Variants in THAP4 observed in about 807,000 individuals in gnomAD.
THAP4 encodes THAP domain containing 4.
A neutral mutation model predicts 48.1 loss-of-function variants in THAP4; 18 were observed. That is an observed-to-expected ratio of 0.37 (90% CI 0.26 to 0.56). The LOEUF is 0.56. THAP4 is among the 20% of genes least tolerant of loss of function. The pLI, the probability that THAP4 is intolerant of heterozygous loss-of-function variation, is 0.78. For missense variants in THAP4, 656 were observed against 774.9 expected, an observed-to-expected ratio of 0.85 and a Z score of 1.82; for synonymous variants, 345 against 324.9, an observed-to-expected ratio of 1.06 and a Z score of -0.66.
At chr2:241,637,236 T>A, upstream of THAP4, 1 of 1,010,380 alleles carries the variant, frequency 9.9e-7, no homozygotes, top group South Asian at 3.5e-5. Flanking sequence ...GGTTCGGGCG[T>A]CTTCGGACCA....
intron 2 of THAP4, among the ~76,000 whole-genome samples, chr2:241,632,336 G>A (rs1038992354): frequency 6.6e-6 from 1 of 152,128 alleles, no homozygotes. Flanking sequence ...CTGACCTCAA[G>A]TGATCTGCCC....
In THAP4 at chr2:241,633,324, T is replaced by C. The variant is rs1376908899; in HGVS notation, c.833A>G (p.Lys278Arg). Residue 278 changes from lysine to arginine, a missense_variant, in exon 2 of 6, where the codon AAG (lysine) becomes AGG (arginine). Lys to Arg is a conservative substitution (Grantham distance 26). This residue lies in a region of THAP4 where 391 missense variants were observed against 412.4 expected (regional missense o/e 0.95). Coordinates refer to ENST00000407315, the MANE Select transcript of THAP4 (RefSeq NM_015963.6). This position sits in a 1 kb window ranked among gnomAD's most constrained non-coding sequence, Gnocchi z 7.5. ...SCSGSSLGPD[K>R]GLAQSPPSSS... ...GCTGGGAGGGCTCTGGGCCAGGCCC[T>C]TGTCGGGTCCCAGGCTGCTCCCACT... 6.2e-6 allele frequency: 10 copies of C among 1,612,256 alleles called. No homozygotes were observed. Among genetic ancestry groups the C allele is most frequent in the Non-Finnish European group, 8.5e-6 (10 of 1,179,988 alleles).
At chr2:241,588,162 C>T (rs144939312) in intron 5 of THAP4, among the ~76,000 whole-genome samples, 59 of 151,838 alleles carry the variant, frequency 3.9e-4, no homozygotes, top group African/African-American at 1.3e-3. Flanking sequence ...TATATACTTG[C>T]AACAAATAAG....
At chr2:241,604,236 A>AATTTATTT (rs201924569) in intron 3 of THAP4, among the ~76,000 whole-genome samples, 10 of 150,278 alleles carry the variant, frequency 6.7e-5, no homozygotes, top group African/African-American at 2.5e-4. Context: ...ACACCCGGCT[A>AATTTATTT]ATTTATTTAT....
In THAP4 at chr2:241,601,826, G is replaced by A. The variant is rs746152039; in HGVS notation, c.1614+70C>T. The A allele has an allele frequency of 6.3e-7, 1 of 1,596,886 alleles. No homozygotes were observed. ...AAGACACGCACTACCTCACGGAAGAGGAAGAGGCTGACTCCACAGACCGCT... is the reference window on the plus strand; with the variant it reads ...AAGACACGCACTACCTCACGGAAGAAGAAGAGGCTGACTCCACAGACCGCT... On this transcript the variant is annotated intron_variant, in intron 5 of 5. Coordinates refer to ENST00000407315, the MANE Select transcript of THAP4 (RefSeq NM_015963.6). The surrounding 1 kb of genome is among the most constrained non-coding windows in gnomAD (Gnocchi z 4.0).
chr2:241,605,702 A>T (rs1229048839), intron 3 of THAP4, among the ~76,000 whole-genome samples: 1 of 151,720 alleles, frequency 6.6e-6, no homozygotes, highest in Non-Finnish European at 1.5e-5. Flanking sequence ...TTTCAGTAAT[A>T]TTGGGTGACT....
intron 2 of THAP4, among the ~76,000 whole-genome samples, chr2:241,618,662 C>T (rs148701567): frequency 1.3e-5 from 2 of 152,226 alleles, no homozygotes; most frequent in East Asian, 3.9e-4. Flanking sequence ...GATCAGCTCA[C>T]GTGGAGCAGA....
intron 5 of THAP4, among the ~76,000 whole-genome samples, chr2:241,600,676 C>T (rs1486770453): frequency 4.9e-5 from 7 of 141,630 alleles, no homozygotes; most frequent in African/African-American, 1.6e-4. Flanking sequence ...TGCAGTGAGC[C>T]GAGATTGCTC....
At chr2:241,630,293 C>T (rs1053598042) in intron 2 of THAP4, among the ~76,000 whole-genome samples, 1 of 152,152 alleles carries the variant, frequency 6.6e-6, no homozygotes, top group Non-Finnish European at 1.5e-5. Context: ...AGAGCCACAG[C>T]CTCCATTGCA....
At chr2:241,617,411 C>A (rs954205959) in intron 2 of THAP4, 1 of 1,547,740 alleles carries the variant, frequency 6.5e-7, no homozygotes, top group Non-Finnish European at 8.7e-7. Context: ...AGCAGGCTTA[C>A]CCATCCCTAA....
chr2:241,615,482 G>A (rs1369815455), intron 2 of THAP4, among the ~76,000 whole-genome samples: 1 of 152,226 alleles, frequency 6.6e-6, no homozygotes, highest in Non-Finnish European at 1.5e-5. Flanking sequence ...CAGGGGATGT[G>A]GTGGGGAGTG....
Position 241,610,397 on chromosome 2 carries a change from G to A in THAP4, c.1241-3924C>T, listed in dbSNP as rs2067253586. The stretch of plus-strand genomic sequence containing the variant: ...GGTCACGCCACCGCGCCCTGTTTGG[G>A]GAGCGGCAGAGGAGTCAGGGCGGAG... On this transcript the variant is annotated intron_variant, in intron 2 of 5. Transcript: ENST00000407315. The surrounding 1 kb of genome is among the most constrained non-coding windows in gnomAD (Gnocchi z 4.2). 6.6e-6 allele frequency among the ~76,000 whole-genome samples: 1 copy of A among 152,196 alleles called. No individual in the cohort carries two copies. The highest frequency in any genetic ancestry group is 1.5e-5 in the Non-Finnish European group (1 of 68,026).
rs1283725217 is a variant in THAP4 at position 241,610,765 on chromosome 2, G to T, written c.1241-4292C>A. 6.6e-6 allele frequency among the ~76,000 whole-genome samples: 1 copy of T among 152,066 alleles called. No individual in the cohort carries two copies. Among genetic ancestry groups the T allele is most frequent in the African/African-American group, 2.4e-5 (1 of 41,412 alleles). On this transcript the variant is annotated intron_variant, in intron 2 of 5. Transcript: ENST00000407315. This position sits in a 1 kb window ranked among gnomAD's most constrained non-coding sequence, Gnocchi z 4.2. ...CCTCAGAGGGGACCGGAGAGGAGGC[G>T]CTCCTTAAATGGGGAAGAAAGACGG...
intron 2 of THAP4, among the ~76,000 whole-genome samples, chr2:241,618,728 G>A (rs1402192800): frequency 6.6e-6 from 1 of 152,148 alleles, no homozygotes; most frequent in African/African-American, 2.4e-5. Context: ...CAAAATGCTG[G>A]AGGCTGAACA....
intron 5 of THAP4, among the ~76,000 whole-genome samples, chr2:241,588,710 C>T (rs186094194): frequency 3.3e-4 from 50 of 152,190 alleles, no homozygotes; most frequent in Admixed American, 5.2e-4. Flanking sequence ...GTGCTGGAAA[C>T]GAGGTATCTG....
At position 241,610,435 on chromosome 2, in the gene THAP4, T is replaced by G. The variant is rs1429727963; in HGVS notation, c.1241-3962A>C. Among the ~76,000 whole-genome samples the G allele has an allele frequency of 6.6e-6, 1 of 152,112 alleles. No individual in the cohort carries two copies. The highest frequency in any genetic ancestry group is 2.4e-5 in the African/African-American group (1 of 41,436). The stretch of plus-strand genomic sequence containing the variant: ...AGTCAGGGCGGAGGCTGGGCGGCGC[T>G]GGGCGGTGGGGCGCGCTCACTGGCT... On this transcript the variant is annotated intron_variant, in intron 2 of 5. Transcript: ENST00000407315. This position sits in a 1 kb window ranked among gnomAD's most constrained non-coding sequence, Gnocchi z 4.2.
chr2:241,610,283 C>A lies in THAP4; in HGVS notation c.1241-3810G>T, dbSNP rs946387277. ...CCTCCAGCCTCCGCCGGCCCCGCCC[C>A]GGAAGCGCAGCCCCGCCTCAGGCGC... On this transcript the variant is annotated intron_variant, in intron 2 of 5. Transcript: ENST00000407315. This position sits in a 1 kb window ranked among gnomAD's most constrained non-coding sequence, Gnocchi z 4.2. Among the ~76,000 whole-genome samples, 1 of 152,128 alleles carries A rather than the reference C, an allele frequency of 6.6e-6. No individual in the cohort carries two copies. Among genetic ancestry groups the A allele is most frequent in the Non-Finnish European group, 1.5e-5 (1 of 67,990 alleles).
intron 2 of THAP4, among the ~76,000 whole-genome samples, chr2:241,608,224 C>T (rs192285210): frequency 5.8e-4 from 89 of 152,220 alleles, no homozygotes; most frequent in Non-Finnish European, 1.0e-3. Flanking sequence ...GCCCAGTGGC[C>T]GAGCCCTGGG....
chr2:241,606,181 C>T (rs991615163), intron 3 of THAP4, 133 bp downstream of exon 3: 2 of 787,186 alleles, frequency 2.5e-6, no homozygotes, highest in African/African-American at 3.4e-5. Context: ...AAGAGGACAC[C>T]TTTCTGAAAT....
Sources: allele counts gnomAD v4.1 joint callset (sites outside exome capture counted in the v4.1 genomes callset), GRCh38; gene constraint gnomAD v4.1.1; regional missense constraint gnomAD v4.1.1; non-coding constraint Gnocchi (gnomAD v3.1); transcripts MANE v1.5; gene names NCBI Gene and HGNC (gene_info 2026-07-23, HGNC 2026-07-21).